The following AGAP1 variants were observed in gnomAD, a reference collection of about 807,000 sequenced individuals.
AGAP1 encodes the protein ArfGAP with GTPase domain, ankyrin repeat and PH domain 1, also known as arf-GAP with GTPase, ANK repeat and PH domain-containing protein 1.
AGAP1 carries 29 observed loss-of-function variants against 105.3 expected under a neutral mutation model. The ratio of observed to expected loss-of-function variants is 0.28; its 90% CI spans 0.21 to 0.38. AGAP1 has a LOEUF of 0.38. Ranked by LOEUF, AGAP1 falls within the 10% of genes least tolerant of loss-of-function variation. The pLI, the probability that AGAP1 is intolerant of heterozygous loss-of-function variation, is 1.00. For missense variants in AGAP1, 998 were observed against 1,165.1 expected (o/e 0.86, Z 2.09); for synonymous variants, 509 against 485.9 (o/e 1.05, Z -0.63).
intron 1 of AGAP1, among the ~76,000 whole-genome samples, chr2:235,508,664 AAAATTCACCTGCGTTTAGG>A (rs1188414035): frequency 6.6e-6 from 1 of 152,206 alleles, no homozygotes; most frequent in Non-Finnish European, 1.5e-5. Context: ...CATGCCTTTG[AAAATTCACCTGCGTTTAGG>A]AAATCTGCAG....
intron 1 of AGAP1, among the ~76,000 whole-genome samples, chr2:235,679,922 G>A (rs1445662823): frequency 6.6e-6 from 1 of 152,224 alleles, no homozygotes; most frequent in African/African-American, 2.4e-5. Flanking sequence ...CAAATATTTA[G>A]GTTTCTAATA....
rs761515764 is a variant in AGAP1 at position 235,665,161 on chromosome 2, G to A, written c.164-44018G>A. Among the ~76,000 whole-genome samples, 29 of 152,176 alleles carry A rather than the reference G, an allele frequency of 1.9e-4. No individual in the cohort carries two copies. The highest frequency in any genetic ancestry group is 3.8e-4 in the Non-Finnish European group (26 of 68,038). ...GAGCCCAGGAGTTCAAGGCTGTAGT[G>A]AGCTATGATCTTGCCACTGCACTCT... On this transcript the variant is annotated intron_variant, in intron 1 of 17. Coordinates refer to ENST00000304032, the MANE Select transcript of AGAP1 (RefSeq NM_001037131.3). This position sits in a 1 kb window ranked among gnomAD's most constrained non-coding sequence, Gnocchi z 5.3.
Position 236,101,786 on chromosome 2 carries a change from C to T in AGAP1, c.2115-18406C>T, listed in dbSNP as rs937126856. On this transcript the variant is annotated intron_variant, in intron 16 of 17. Coordinates refer to ENST00000304032, the MANE Select transcript of AGAP1 (RefSeq NM_001037131.3). This position sits in a 1 kb window ranked among gnomAD's most constrained non-coding sequence, Gnocchi z 4.9. ...ATGCCACGTTACGCGGAGTCTAGGA[C>T]GGCCTCACCCCGCTGGCTCGGGCTC... is the stretch of plus-strand genomic sequence containing the variant. Among the ~76,000 whole-genome samples, 29 of 152,226 alleles carry T rather than the reference C, an allele frequency of 1.9e-4. No individual in the cohort carries two copies. Among genetic ancestry groups the T allele is most frequent in the African/African-American group, 5.8e-4 (24 of 41,464 alleles).
chr2:235,588,832 G>T (rs114580895), intron 1 of AGAP1, among the ~76,000 whole-genome samples: 9 of 152,120 alleles, frequency 5.9e-5, no homozygotes, highest in African/African-American at 1.9e-4. Flanking sequence ...TACCCAGCAC[G>T]TTGGGGATTG....
chr2:235,995,142 T>C (rs528845666), intron 13 of AGAP1, among the ~76,000 whole-genome samples: 106 of 148,152 alleles, frequency 7.2e-4, no homozygotes, highest in Non-Finnish European at 1.1e-3. Context: ...GTAGTAAATA[T>C]GTTATTTGGA....
intron 1 of AGAP1, among the ~76,000 whole-genome samples, chr2:235,686,684 CAG>C (rs1949466643): frequency 1.1e-5 from 1 of 90,654 alleles, no homozygotes; most frequent in South Asian, 2.9e-4. Flanking sequence ...TTTTTTTAGA[CAG>C]AGTCTTGCTC....
At chr2:235,584,638 C>T (rs772673252) in intron 1 of AGAP1, among the ~76,000 whole-genome samples, 7 of 151,742 alleles carry the variant, frequency 4.6e-5, no homozygotes, top group Admixed American at 2.0e-4. Context: ...ATAAGGAGCA[C>T]GGCCCTGCAG....
chr2:236,002,564 C>G lies in AGAP1; in HGVS notation c.1645+33941C>G, dbSNP rs931947031. Among the ~76,000 whole-genome samples the G allele has an allele frequency of 6.6e-6, 1 of 152,108 alleles. No homozygotes were observed. The highest frequency in any genetic ancestry group is 1.5e-5 in the Non-Finnish European group (1 of 68,038). On this transcript the variant is annotated intron_variant, in intron 13 of 17. Coordinates refer to ENST00000304032, the MANE Select transcript of AGAP1 (RefSeq NM_001037131.3). The surrounding 1 kb of genome is among the most constrained non-coding windows in gnomAD (Gnocchi z 4.3). ...GTCACTGGCTGCCCTTATAGAAGGC[C>G]TTGGAAAGAATTACTTCATGCATTC... is the stretch of plus-strand genomic sequence containing the variant.
In AGAP1 at chr2:235,789,704, C is replaced by T. The variant is rs143048607; in HGVS notation, c.674-8055C>T. On this transcript the variant is annotated intron_variant, in intron 6 of 17. Transcript: ENST00000304032. This position sits in a 1 kb window ranked among gnomAD's most constrained non-coding sequence, Gnocchi z 4.2. ...GGCATCAAAGGATTACTTTGATATACGCAAGGTAAGTCAACAAAGGATTAC... is the reference window on the plus strand; with the variant it reads ...GGCATCAAAGGATTACTTTGATATATGCAAGGTAAGTCAACAAAGGATTAC... Among the ~76,000 whole-genome samples the T allele has an allele frequency of 1.6e-4, 24 of 152,258 alleles. No individual in the cohort carries two copies. Among genetic ancestry groups the T allele is most frequent in the African/African-American group, 5.3e-4 (22 of 41,564 alleles).
In AGAP1 at chr2:236,093,664, G is replaced by A. The variant is rs6728671; in HGVS notation, c.2115-26528G>A. Among the ~76,000 whole-genome samples, 428 of 152,226 alleles carry A rather than the reference G, an allele frequency of 2.8e-3. 2 individuals are homozygous for A. The highest frequency in any genetic ancestry group is 9.7e-3 in the African/African-American group (402 of 41,548). On this transcript the variant is annotated intron_variant, in intron 16 of 17. Transcript: ENST00000304032. Reference sequence around the variant, plus strand: ...TGGGAGAGAAATTCAGCCCTAGAACGTATTTTTGGATAATTTGGTGAAAAC... The same window carrying A: ...TGGGAGAGAAATTCAGCCCTAGAACATATTTTTGGATAATTTGGTGAAAAC...
intron 1 of AGAP1, chr2:235,670,573 G>A (rs780036209): frequency 2.0e-6 from 1 of 512,320 alleles, no homozygotes; most frequent in South Asian, 2.7e-5. Flanking sequence ...TCAGGCACTG[G>A]AGCGGGCCTG....
At chr2:235,702,630 T>C (rs1286958760) in intron 1 of AGAP1, among the ~76,000 whole-genome samples, 1 of 152,222 alleles carries the variant, frequency 6.6e-6, no homozygotes, top group Non-Finnish European at 1.5e-5. Context: ...TTGGTAGTCA[T>C]ATCACATGGA....
In AGAP1 at chr2:235,962,219, G is replaced by T. The variant is rs543608919; in HGVS notation, c.1484-6243G>T. Among the ~76,000 whole-genome samples, 2 of 152,214 alleles carry T rather than the reference G, an allele frequency of 1.3e-5. No homozygotes were observed. Among genetic ancestry groups the T allele is most frequent in the Admixed American group, 1.3e-4 (2 of 15,286 alleles). ...TACAGAAGTGAGGTAGGATTGAAGGGCAGGCCAGAGGCCACTGAGGGGTAC... is the reference window on the plus strand; with the variant it reads ...TACAGAAGTGAGGTAGGATTGAAGGTCAGGCCAGAGGCCACTGAGGGGTAC... On this transcript the variant is annotated intron_variant, in intron 12 of 17. Transcript: ENST00000304032. This position sits in a 1 kb window ranked among gnomAD's most constrained non-coding sequence, Gnocchi z 5.3.
Position 235,706,326 on chromosome 2 carries a change from G to A in AGAP1, c.164-2853G>A, listed in dbSNP as rs369864152. Among the ~76,000 whole-genome samples, 166 of 152,276 alleles carry A rather than the reference G, an allele frequency of 1.1e-3. 1 individual carries two copies. The South Asian group carries it at 0.013, about 12-fold the overall frequency. ...TGCAACCTCCGCCTCCTGGGTTGAT[G>A]CCATTCTCCTGCCTCAGGCTCCCGA... is the stretch of plus-strand genomic sequence containing the variant. On this transcript the variant is annotated intron_variant, in intron 1 of 17. Coordinates refer to ENST00000304032, the MANE Select transcript of AGAP1 (RefSeq NM_001037131.3).
chr2:235,783,206 T>TGG, intron 6 of AGAP1: 1 of 343,550 alleles, frequency 2.9e-6, no homozygotes, highest in Non-Finnish European at 5.9e-6. Context: ...TAGTGAAAGA[T>TGG]ACTTTCCTAA....
At chr2:235,922,417 TG>T (rs2052227814) in intron 11 of AGAP1, among the ~76,000 whole-genome samples, 1 of 152,252 alleles carries the variant, frequency 6.6e-6, no homozygotes, top group Non-Finnish European at 1.5e-5. Context: ...CACCAAGAGT[TG>T]CTCCTCTTTT....
Position 235,927,432 on chromosome 2 carries a change from C to A in AGAP1, c.1325-3333C>A, listed in dbSNP as rs2052507015. 6.6e-6 allele frequency among the ~76,000 whole-genome samples: 1 copy of A among 152,206 alleles called. No individual in the cohort carries two copies. Among genetic ancestry groups the A allele is most frequent in the Non-Finnish European group, 1.5e-5 (1 of 68,038 alleles). On this transcript the variant is annotated intron_variant, in intron 11 of 17. Coordinates refer to ENST00000304032, the MANE Select transcript of AGAP1 (RefSeq NM_001037131.3). The surrounding 1 kb of genome is among the most constrained non-coding windows in gnomAD (Gnocchi z 4.4). ...TGATGGACAGACAGAAGTTTGAAAA[C>A]CAGTACATTCACAGCAGCATTCACA...
rs1433490200 is a variant in AGAP1 at position 235,961,511 on chromosome 2, C to T, written c.1484-6951C>T. On this transcript the variant is annotated intron_variant, in intron 12 of 17. Transcript: ENST00000304032. This position sits in a 1 kb window ranked among gnomAD's most constrained non-coding sequence, Gnocchi z 5.9. The stretch of plus-strand genomic sequence containing the variant: ...GGACTGGAGTGAGGCCAGCCGTGGA[C>T]AGCAGTGCAGAGGGACAGGCCCTAG... Among the ~76,000 whole-genome samples, 1 of 152,170 alleles carries T rather than the reference C, an allele frequency of 6.6e-6. No homozygotes were observed. Among genetic ancestry groups the T allele is most frequent in the East Asian group, 1.9e-4 (1 of 5,178 alleles).
At chr2:235,567,060 CT>C (rs1243817849) in intron 1 of AGAP1, among the ~76,000 whole-genome samples, 4 of 152,180 alleles carry the variant, frequency 2.6e-5, no homozygotes, top group African/African-American at 9.7e-5. Context: ...TGGGAGGACA[CT>C]ATTCACCCCA....
Sources: gnomAD v4.1 joint callset for allele counts (sites outside exome capture counted in the v4.1 genomes callset) on GRCh38, gnomAD v4.1.1 for gene constraint, Gnocchi (gnomAD v3.1) non-coding constraint, MANE v1.5 for transcripts, NCBI Gene and HGNC (gene_info 2026-07-23, HGNC 2026-07-21) for gene names.